MTMR7: variants seen among roughly 807,000 people sequenced by gnomAD.
MTMR7 encodes the protein phosphatidylinositol-3-phosphate phosphatase MTMR7.
MTMR7 carries 76 observed loss-of-function variants against 81.2 expected under a neutral mutation model. The observed-to-expected ratio is 0.94, with a 90% CI of 0.78 to 1.13. The LOEUF is 1.13. MTMR7 is among the 50% of genes most tolerant of loss of function. The probability of loss-of-function intolerance (pLI) is 0.00; values close to 1 mark genes in which losing one functional copy is unlikely to be tolerated. For missense variants in MTMR7, 1,044 were observed against 820.0 expected (o/e 1.27, Z -3.34); for synonymous variants, 372 against 289.8 (o/e 1.28, Z -2.88).
At position 17,311,661 on chromosome 8, in the gene MTMR7, A is replaced by C. The variant is rs776135727; in HGVS notation, c.976-25T>G. ...CCTAGAAAACACACGATCCGCAAAG[A>C]GTCACAAAGAATGGCTGTAAAAAGG... is the stretch of plus-strand genomic sequence containing the variant. On this transcript the variant is annotated intron_variant, in intron 8 of 13. Transcript: ENST00000180173. The C allele has an allele frequency of 1.9e-6, 3 of 1,613,712 alleles. No individual in the cohort carries two copies. In the African/African-American group the frequency reaches 4.0e-5, roughly 22 times the overall value.
In MTMR7 at chr8:17,373,104, T is replaced by C; in HGVS notation, c.147+14A>G. 6.2e-7 allele frequency: 1 copy of C among 1,610,146 alleles called. No homozygotes were observed. The highest frequency in any genetic ancestry group is 2.2e-5 in the East Asian group (1 of 44,856). On this transcript the variant is annotated intron_variant, in intron 2 of 13. Coordinates refer to ENST00000180173, the MANE Select transcript of MTMR7 (RefSeq NM_004686.5). ...AACGCAAAACAAGGAAAGCTAAAAA[T>C]AAAGAAAGCATACCCATGTTTCTTT...
At position 17,311,283 on chromosome 8, in the gene MTMR7, T is replaced by C. The variant is rs192624645; in HGVS notation, c.1101+228A>G. Among the ~76,000 whole-genome samples the C allele has an allele frequency of 5.9e-5, 9 of 152,220 alleles. No individual in the cohort carries two copies. The South Asian group carries it at 6.2e-4, about 11-fold the overall frequency. Reference sequence around the variant, plus strand: ...TTGCCCCAAAACTCATTCAGTAGCATTGACTTGAAATGGTTTCAATATCCC... The same window carrying C: ...TTGCCCCAAAACTCATTCAGTAGCACTGACTTGAAATGGTTTCAATATCCC... On this transcript the variant is annotated intron_variant, in intron 9 of 13. Coordinates refer to ENST00000180173, the MANE Select transcript of MTMR7 (RefSeq NM_004686.5).
intron 4 of MTMR7, among the ~76,000 whole-genome samples, chr8:17,357,489 T>C (rs963212512): frequency 6.6e-6 from 1 of 152,230 alleles, no homozygotes; most frequent in Non-Finnish European, 1.5e-5. Flanking sequence ...CAGTAAGTCC[T>C]TGCTCAACAA....
intron 6 of MTMR7, among the ~76,000 whole-genome samples, chr8:17,340,003 G>A (rs1038169011): frequency 6.6e-6 from 1 of 152,218 alleles, no homozygotes; most frequent in African/African-American, 2.4e-5. Context: ...CCAGGCTGGA[G>A]TGCAATGGCA....
intron 7 of MTMR7, among the ~76,000 whole-genome samples, chr8:17,327,212 C>T (rs563401057): frequency 1.2e-4 from 19 of 152,160 alleles, no homozygotes; most frequent in African/African-American, 4.1e-4. Context: ...GACATTCATT[C>T]GGCTTCCAAT....
chr8:17,397,053 C>T (rs73551358), intron 1 of MTMR7, among the ~76,000 whole-genome samples: 4,598 of 151,968 alleles, frequency 0.03, 230 homozygotes, highest in African/African-American at 0.1. Flanking sequence ...AGCTCGGGCC[C>T]TGAATAATGA....
intron 7 of MTMR7, among the ~76,000 whole-genome samples, chr8:17,323,705 C>T (rs1434301169): frequency 6.6e-6 from 1 of 152,124 alleles, no homozygotes; most frequent in Non-Finnish European, 1.5e-5. Flanking sequence ...AGGACCAACA[C>T]TCCTATGAAC....
intron 1 of MTMR7, among the ~76,000 whole-genome samples, chr8:17,400,915 G>T (rs371614673): frequency 2.0e-5 from 3 of 152,300 alleles, no homozygotes; most frequent in South Asian, 2.1e-4. Context: ...CACATTTCAT[G>T]AAATCCTCAC....
intron 7 of MTMR7, among the ~76,000 whole-genome samples, chr8:17,317,967 A>G (rs1006040584): frequency 1.3e-5 from 2 of 151,808 alleles, no homozygotes; most frequent in Non-Finnish European, 2.9e-5. Context: ...TGGGTAAGTT[A>G]TTATATGTTG....
rs1263105270 is a variant in MTMR7, at chr8:17,359,966, T to C, written c.468+1151A>G. 2.6e-5 allele frequency among the ~76,000 whole-genome samples: 4 copies of C among 152,142 alleles called. No homozygotes were observed. The East Asian group carries it at 7.7e-4, about 29-fold the overall frequency. ...TTAAAATGCTATCTTTTAAAAAAAT[T>C]AAAATATGGGCAAAGGTATAGTTAC... is the stretch of plus-strand genomic sequence containing the variant. On this transcript the variant is annotated intron_variant, in intron 4 of 13. Transcript: ENST00000180173.
At chr8:17,311,386 C>G (rs1228393438) in intron 9 of MTMR7, 125 bp downstream of exon 9, 1 of 1,264,144 alleles carries the variant, frequency 7.9e-7, no homozygotes, top group African/African-American at 1.5e-5. Context: ...CCCCTTTAAT[C>G]TTGCTGAGCT....
chr8:17,310,980 G>T (rs970180669), intron 9 of MTMR7, among the ~76,000 whole-genome samples: 18 of 152,084 alleles, frequency 1.2e-4, no homozygotes, highest in African/African-American at 3.9e-4. Context: ...AACTCTACAG[G>T]ATATACTCGT....
intron 7 of MTMR7, among the ~76,000 whole-genome samples, chr8:17,326,671 G>C (rs1818697001): frequency 6.6e-6 from 1 of 152,230 alleles, no homozygotes; most frequent in South Asian, 2.1e-4. Context: ...GCCATGCTGT[G>C]AACAGCCAAC....
chr8:17,341,060 T>A (rs1261663158), intron 6 of MTMR7, among the ~76,000 whole-genome samples: 1 of 152,238 alleles, frequency 6.6e-6, no homozygotes, highest in Non-Finnish European at 1.5e-5. Context: ...AACCAAGTAC[T>A]AATACGGTAT....
intron 1 of MTMR7, among the ~76,000 whole-genome samples, chr8:17,410,187 A>G (rs1056133249): frequency 1.3e-5 from 2 of 152,216 alleles, no homozygotes; most frequent in African/African-American, 4.8e-5. Flanking sequence ...ACTAGGGGGT[A>G]GGTGTACCAA....
intron 11 of MTMR7, 24 bp downstream of exon 11, chr8:17,305,733 C>T (rs760607918): frequency 1.3e-6 from 2 of 1,565,602 alleles, no homozygotes; most frequent in Non-Finnish European, 1.7e-6. Flanking sequence ...AAAAGTTAAA[C>T]ACCAAAAACA....
intron 10 of MTMR7, among the ~76,000 whole-genome samples, chr8:17,308,587 A>G (rs1325495256): frequency 6.6e-6 from 1 of 152,216 alleles, no homozygotes; most frequent in Non-Finnish European, 1.5e-5. Flanking sequence ...CTAAATTTAA[A>G]TTTTATCACC....
intron 5 of MTMR7, chr8:17,345,999 T>G (rs936752447): frequency 6.6e-6 from 1 of 152,150 alleles, no homozygotes; most frequent in Non-Finnish European, 1.5e-5. Flanking sequence ...ATCAGCAAAT[T>G]TATGGAATGT....
intron 3 of MTMR7, among the ~76,000 whole-genome samples, chr8:17,367,489 C>A (rs75819001): frequency 6.6e-6 from 1 of 152,160 alleles, no homozygotes; most frequent in Non-Finnish European, 1.5e-5. Context: ...GACCCACAAC[C>A]CTTATTTTAA....
Sources: gnomAD v4.1 joint callset for allele counts (sites outside exome capture counted in the v4.1 genomes callset) on GRCh38, gnomAD v4.1.1 for gene constraint, MANE v1.5 for transcripts, NCBI Gene and HGNC (gene_info 2026-07-23, HGNC 2026-07-21) for gene names.